Variants in PTPRT observed in about 807,000 individuals in gnomAD.
The protein encoded by PTPRT is protein tyrosine phosphatase receptor type T, also known as receptor-type tyrosine-protein phosphatase T.
A neutral mutation model predicts 176.8 loss-of-function variants in PTPRT; 56 were observed. The observed-to-expected ratio is 0.32, with a 90% confidence interval of 0.26 to 0.40. PTPRT has a LOEUF of 0.40. Ranked by LOEUF, PTPRT falls within the 10% of genes least tolerant of loss-of-function variation. The pLI, the probability that PTPRT is intolerant of heterozygous loss-of-function variation, is 1.00. For missense variants in PTPRT, 1,540 were observed against 1,908.2 expected (o/e 0.81, Z 3.60); for synonymous variants, 783 against 739.0 (o/e 1.06, Z -0.96).
At chr20:42,084,868 G>C (rs751354676) in intron 28 of PTPRT, 23 bp from the exon 29 acceptor site, 3 of 1,385,450 alleles carry the variant, frequency 2.2e-6, no homozygotes, top group Non-Finnish European at 2.8e-6. Flanking sequence ...AGGCTGTTAG[G>C]GCTGTTCTGC....
intron 2 of PTPRT, among the ~76,000 whole-genome samples, chr20:42,813,050 G>A (rs1309044671): frequency 1.3e-5 from 2 of 151,944 alleles, no homozygotes; most frequent in Non-Finnish European, 2.9e-5. Flanking sequence ...TGCTTGTTAA[G>A]ACTTCCCTCT....
chr20:42,116,433 C>T (rs76881201), intron 21 of PTPRT, among the ~76,000 whole-genome samples: 3,183 of 152,268 alleles, frequency 0.021, 120 homozygotes, highest in African/African-American at 0.073. Context: ...TTGGTCCTAA[C>T]ACTCAGTATC....
chr20:42,103,675 G>A (rs1986160385), intron 25 of PTPRT, among the ~76,000 whole-genome samples: 1 of 152,156 alleles, frequency 6.6e-6, no homozygotes, highest in African/African-American at 2.4e-5. Context: ...CACCATGTTG[G>A]TCAGGCTGCA....
intron 7 of PTPRT, among the ~76,000 whole-genome samples, chr20:42,580,259 C>T (rs1030631563): frequency 1.3e-5 from 2 of 152,122 alleles, no homozygotes; most frequent in African/African-American, 4.8e-5. Context: ...TTCCATTGGT[C>T]TATATCTCTG....
At chr20:42,279,664 T>C (rs1011090773) in intron 13 of PTPRT, among the ~76,000 whole-genome samples, 12 of 152,192 alleles carry the variant, frequency 7.9e-5, no homozygotes, top group Admixed American at 1.3e-4. Flanking sequence ...GTAGCAACAT[T>C]ACACAAAGGA....
intron 10 of PTPRT, 44 bp downstream of exon 10, chr20:42,352,040 G>A (rs2145521283): frequency 1.3e-6 from 2 of 1,574,474 alleles, no homozygotes; most frequent in Non-Finnish European, 1.7e-6. Flanking sequence ...CAGGAAGTGG[G>A]GGTGAAACAA....
intron 12 of PTPRT, among the ~76,000 whole-genome samples, chr20:42,304,379 G>T (rs940406088): frequency 6.6e-5 from 10 of 152,102 alleles, no homozygotes; most frequent in Admixed American, 4.6e-4. Context: ...ATATGTAATA[G>T]CAATATCTGA....
rs564904756 is a variant in PTPRT at position 42,608,354 on chromosome 20, C to T, written c.1153+69512G>A. Among the ~76,000 whole-genome samples, 33 of 152,278 alleles carry T rather than the reference C, an allele frequency of 2.2e-4. 1 individual carries two copies. Among genetic ancestry groups the T allele is most frequent in the Admixed American group, 1.8e-3 (27 of 15,296 alleles). ...ATATGAGGTCTCTGGAAACCCAGAA[C>T]GTGATGTAAATACCCGTGCTGTCAA... On this transcript the variant is annotated intron_variant, in intron 7 of 30. Transcript: ENST00000373187.
At chr20:42,529,626 A>G (rs1243459025) in intron 7 of PTPRT, among the ~76,000 whole-genome samples, 2 of 151,982 alleles carry the variant, frequency 1.3e-5, no homozygotes, top group African/African-American at 4.8e-5. Flanking sequence ...AGCTGAGACT[A>G]CAAGCATGTG....
rs964483152 is a variant in PTPRT at position 42,315,577 on chromosome 20, TA to T, written c.2139+145del. On this transcript the variant is annotated intron_variant, in intron 12 of 30. Transcript: ENST00000373187. ...AAATGAACAGGCATAGCTGTACTAT[TA>T]TTTTTTTAATTTAAAGGCATGAGGT... The T allele has an allele frequency of 1.6e-5, 15 of 921,268 alleles. No homozygotes were observed. In the South Asian group the frequency reaches 1.8e-4, roughly 11 times the overall value. 57.1% of individuals were successfully genotyped at this position (921,268 alleles called of 1,614,324 possible).
intron 26 of PTPRT, among the ~76,000 whole-genome samples, chr20:42,098,856 CA>C (rs1184480295): frequency 6.6e-6 from 1 of 152,238 alleles, no homozygotes; most frequent in Non-Finnish European, 1.5e-5. Flanking sequence ...TGAAAGATTT[CA>C]GATGCAGATT....
chr20:42,614,313 T>C (rs1228815119), intron 7 of PTPRT, among the ~76,000 whole-genome samples: 1 of 152,152 alleles, frequency 6.6e-6, no homozygotes, highest in African/African-American at 2.4e-5. Context: ...TTATCTTAAT[T>C]TAACTGCATG....
intron 1 of PTPRT, among the ~76,000 whole-genome samples, chr20:42,896,543 G>A (rs1302744135): frequency 2.0e-5 from 3 of 151,156 alleles, no homozygotes; most frequent in African/African-American, 7.3e-5. Context: ...GCTGACACAG[G>A]AGAATCGCTT....
intron 16 of PTPRT, 132 bp downstream of exon 16, chr20:42,199,108 C>T (rs1991345849): frequency 1.8e-6 from 2 of 1,083,084 alleles, no homozygotes; most frequent in South Asian, 4.0e-5. Context: ...GAACCTTCAT[C>T]CCAGTCCATA....
At chr20:42,504,427 T>G (rs879417105) in intron 7 of PTPRT, among the ~76,000 whole-genome samples, 11 of 152,208 alleles carry the variant, frequency 7.2e-5, no homozygotes, top group Non-Finnish European at 1.5e-4. Flanking sequence ...AGTTATTATG[T>G]GCATACAGGT....
At chr20:42,122,878 ACTCCTACAACCC>A in intron 19 of PTPRT, among the ~76,000 whole-genome samples, 1 of 151,710 alleles carries the variant, frequency 6.6e-6, no homozygotes, top group Non-Finnish European at 1.5e-5. Context: ...CTCTTTGTCC[ACTCCTACAACCC>A]CATGCACCCT....
chr20:43,049,150 A>T (rs539195161), intron 1 of PTPRT, among the ~76,000 whole-genome samples: 1 of 152,296 alleles, frequency 6.6e-6, no homozygotes, highest in East Asian at 1.9e-4. Flanking sequence ...CAGCCCCACC[A>T]TTCTAGATCC....
downstream of PTPRT, among the ~76,000 whole-genome samples, chr20:42,070,023 G>A (rs959298530): frequency 2.6e-5 from 4 of 152,104 alleles, no homozygotes; most frequent in Non-Finnish European, 5.9e-5. Context: ...GTTGAGTCTC[G>A]TTGCATATCC....
chr20:42,608,811 A>G (rs541710396), intron 7 of PTPRT, among the ~76,000 whole-genome samples: 2 of 152,168 alleles, frequency 1.3e-5, no homozygotes, highest in South Asian at 2.1e-4. Context: ...CTTCAAGGGA[A>G]CAAGTGTCCT....
Sources: allele counts gnomAD v4.1 joint callset (sites outside exome capture counted in the v4.1 genomes callset), GRCh38; gene constraint gnomAD v4.1.1; transcripts MANE v1.5; gene names NCBI Gene and HGNC (gene_info 2026-07-23, HGNC 2026-07-21).